TXNDC11: variants seen among roughly 807,000 people sequenced by gnomAD.
TXNDC11 encodes thioredoxin domain containing 11, also known as thioredoxin domain-containing protein 11.
Under a neutral mutation model 78.0 loss-of-function variants are expected in TXNDC11, and 68 were observed. The observed-to-expected ratio is 0.87, with a 90% CI of 0.72 to 1.07. The LOEUF (loss-of-function observed/expected upper bound fraction) is 1.07, where lower values mean the gene tolerates loss of function less well. Among genes scored for constraint, TXNDC11 ranks in the 50% least tolerant of loss-of-function variants. The pLI is 0.00. For missense variants in TXNDC11, 1,389 were observed against 1,221.8 expected (o/e 1.14, Z -2.04); for synonymous variants, 571 against 495.2 (o/e 1.15, Z -2.03).
chr16:11,706,789 A>C (rs1397369700), intron 5 of TXNDC11, among the ~76,000 whole-genome samples: 1 of 152,166 alleles, frequency 6.6e-6, no homozygotes, highest in African/African-American at 2.4e-5. Flanking sequence ...CATCTGGCTC[A>C]CTATCCTCTA....
In TXNDC11 at chr16:11,721,562, T is replaced by C. The variant is rs1212999996; in HGVS notation, c.793+15A>G. On this transcript the variant is annotated intron_variant, in intron 5 of 11. Transcript: ENST00000283033. ...CTACTGAAGTAACAATGTCTTAATA[T>C]GAATCATTTTTTACCTTTCTTTAAT... 6 of 1,461,020 alleles carry C rather than the reference T, an allele frequency of 4.1e-6. No individual in the cohort carries two copies. The highest frequency in any genetic ancestry group is 2.8e-5 in the African/African-American group (2 of 71,640). The allele number at this position is 1,461,020 out of a possible 1,614,324, so 90.5% of individuals were successfully genotyped here.
Position 11,684,248 on chromosome 16 carries a change from G to C in TXNDC11, c.2154-3C>G. 1 of 1,610,184 alleles carries C rather than the reference G, an allele frequency of 6.2e-7. No individual in the cohort carries two copies. Among genetic ancestry groups the C allele is most frequent in the Non-Finnish European group, 8.5e-7 (1 of 1,176,906 alleles). ...GGTCATTCTGAGACACGTCAATCCT[G>C]GTAAAGGGAAAGAACAGAAATGGCA... On this transcript the variant is annotated splice_polypyrimidine_tract_variant and splice_region_variant and intron_variant, in intron 10 of 11. Coordinates refer to ENST00000283033, the MANE Select transcript of TXNDC11 (RefSeq NM_015914.7).
At chr16:11,695,895 C>T (rs1011193206) in intron 7 of TXNDC11, among the ~76,000 whole-genome samples, 3 of 151,838 alleles carry the variant, frequency 2.0e-5, no homozygotes, top group African/African-American at 4.8e-5. Context: ...ATTAGCCAGG[C>T]GTAGAGGCGT....
chr16:11,704,798 G>A (rs531777315), intron 5 of TXNDC11, among the ~76,000 whole-genome samples: 60 of 152,296 alleles, frequency 3.9e-4, no homozygotes, highest in African/African-American at 1.2e-3. Context: ...ATTGCGATAT[G>A]GGATCCCAGA....
intron 3 of TXNDC11, among the ~76,000 whole-genome samples, chr16:11,731,741 CATGTGCACTGCAGAATG>C (rs1198326058): frequency 6.6e-6 from 1 of 151,790 alleles, no homozygotes; most frequent in Non-Finnish European, 1.5e-5. Flanking sequence ...ACAATTCTTC[CATGTGCACTGCAGAATG>C]ATGTTAAAGG....
Position 11,736,199 on chromosome 16 carries a change from G to T in TXNDC11, c.289C>A (p.Pro97Thr). 1 of 1,613,530 alleles carries T rather than the reference G, an allele frequency of 6.2e-7. No individual in the cohort carries two copies. The highest frequency in any genetic ancestry group is 1.1e-5 in the South Asian group (1 of 91,006). ...AKDVIIPAKP[P>T]VSFFSLRSPV... is the part of the protein sequence containing the mutation. ...GACCTCAAGGAGAAAAAGCTGACAG[G>T]TGGCTTTGCTGGTATTATCACATCT... Residue 97 changes from proline (P) to threonine (T), a missense_variant, in exon 2 of 12, where the codon CCT becomes ACT. Coordinates refer to ENST00000283033, the MANE Select transcript of TXNDC11 (RefSeq NM_015914.7).
chr16:11,711,220 A>C (rs1056545442), intron 5 of TXNDC11, among the ~76,000 whole-genome samples: 4 of 152,304 alleles, frequency 2.6e-5, no homozygotes, highest in Middle Eastern at 3.4e-3. Flanking sequence ...TGCAGAGAAA[A>C]CAGAGTAAGG....
chr16:11,714,747 T>C (rs1040234074), intron 5 of TXNDC11, among the ~76,000 whole-genome samples: 1 of 152,072 alleles, frequency 6.6e-6, no homozygotes, highest in Non-Finnish European at 1.5e-5. Context: ...CAAGCAAATC[T>C]CGGCAGCATC....
chr16:11,680,314 C>T (rs1017705346), intron 11 of TXNDC11, among the ~76,000 whole-genome samples: 7 of 152,246 alleles, frequency 4.6e-5, no homozygotes, highest in African/African-American at 1.7e-4. Context: ...GTTTCTTCAG[C>T]AAGCATTTAT....
At chr16:11,714,061 G>C (rs1406756860) in intron 5 of TXNDC11, among the ~76,000 whole-genome samples, 1 of 147,906 alleles carries the variant, frequency 6.8e-6, no homozygotes. Flanking sequence ...TTTTTTTTGA[G>C]ACAAGGTCTC....
rs369733852 is a variant in TXNDC11 at position 11,700,593 on chromosome 16, G to C, written c.794-29C>G. On this transcript the variant is annotated intron_variant, in intron 5 of 11. Coordinates refer to ENST00000283033, the MANE Select transcript of TXNDC11 (RefSeq NM_015914.7). ...AAACAGAAAATTTTCCTTTATTAAA[G>C]AAAAGGCCTGTGCCTTAAAACAACC... 3.4e-6 allele frequency: 4 copies of C among 1,169,412 alleles called. No individual in the cohort carries two copies. The African/African-American group carries it at 6.1e-5, about 18-fold the overall frequency. 72.4% of individuals were successfully genotyped at this position (1,169,412 alleles called of 1,614,324 possible).
intron 10 of TXNDC11, 49 bp downstream of exon 10, chr16:11,687,808 A>C: frequency 8.0e-7 from 1 of 1,249,218 alleles, no homozygotes; most frequent in Middle Eastern, 1.9e-4. Flanking sequence ...TGCAAATAAG[A>C]GTGAAAATGG....
At chr16:11,701,480 T>C (rs2051024498) in intron 5 of TXNDC11, among the ~76,000 whole-genome samples, 1 of 152,162 alleles carries the variant, frequency 6.6e-6, no homozygotes, top group Non-Finnish European at 1.5e-5. Context: ...TTAGAGACTT[T>C]GTTTCATGCT....
rs981098455 is a variant in TXNDC11 at position 11,703,523 on chromosome 16, C to CACAT, written c.794-2960_794-2959insATGT. 7.9e-6 allele frequency: 4 copies of CACAT among 505,804 alleles called. No homozygotes were observed. In the African/African-American group the frequency reaches 1.0e-4, roughly 13 times the overall value. The allele number at this position is 505,804 out of a possible 1,614,324, so 31.3% of individuals were successfully genotyped here. On this transcript the variant is annotated intron_variant, in intron 5 of 11. Transcript: ENST00000283033. ...AAGGCTTTTGATACACACACACACA[C>CACAT]ACACACACACACACACACACAGAGG...
At chr16:11,723,294 C>CA (rs1396643150) in intron 4 of TXNDC11, among the ~76,000 whole-genome samples, 1 of 150,996 alleles carries the variant, frequency 6.6e-6, no homozygotes, top group Non-Finnish European at 1.5e-5. Context: ...AAAAAAGAAA[C>CA]AGATTCTCAC....
At chr16:11,681,618 A>T (rs1327829616) in intron 11 of TXNDC11, among the ~76,000 whole-genome samples, 1 of 152,118 alleles carries the variant, frequency 6.6e-6, no homozygotes, top group Non-Finnish European at 1.5e-5. Flanking sequence ...AAAAACTGTG[A>T]TTCTTCCCCT....
intron 4 of TXNDC11, among the ~76,000 whole-genome samples, chr16:11,729,480 T>C (rs2051980992): frequency 6.6e-6 from 1 of 152,148 alleles, no homozygotes; most frequent in African/African-American, 2.4e-5. Context: ...CCAACATGAC[T>C]GAATAAAGCT....
At chr16:11,714,393 C>T (rs2051462043) in intron 5 of TXNDC11, among the ~76,000 whole-genome samples, 1 of 152,192 alleles carries the variant, frequency 6.6e-6, no homozygotes, top group Non-Finnish European at 1.5e-5. Context: ...GTAACTCCAG[C>T]ACTTTGGGAG....
intron 5 of TXNDC11, among the ~76,000 whole-genome samples, chr16:11,701,723 C>A (rs11645506): frequency 0.32 from 48,165 of 151,744 alleles, 8,986 homozygotes; most frequent in Non-Finnish European, 0.43. Flanking sequence ...TACTTTTGAC[C>A]CTCAAATTGC....
Sources: allele counts gnomAD v4.1 joint callset (sites outside exome capture counted in the v4.1 genomes callset), GRCh38; gene constraint gnomAD v4.1.1; transcripts MANE v1.5; gene names NCBI Gene and HGNC (gene_info 2026-07-23, HGNC 2026-07-21).